Variants in SNX30 observed in about 807,000 individuals in gnomAD.
SNX30 encodes the protein sorting nexin-30.
Under a neutral mutation model 46.4 loss-of-function variants are expected in SNX30, and 24 were observed. The observed-to-expected ratio is 0.52, with a 90% CI of 0.37 to 0.73. The LOEUF (loss-of-function observed/expected upper bound fraction) is 0.73, where lower values mean the gene tolerates loss of function less well. Ranked by LOEUF, SNX30 falls within the 30% of genes least tolerant of loss-of-function variation. The pLI is 0.00. For synonymous variants in SNX30, 189 were observed against 211.5 expected (o/e 0.89, Z 0.92); for missense variants, 533 against 555.7 (o/e 0.96, Z 0.41).
intron 7 of SNX30, among the ~76,000 whole-genome samples, chr9:112,860,854 T>C (rs138735376): frequency 6.6e-6 from 1 of 152,192 alleles, no homozygotes; most frequent in East Asian, 1.9e-4. Context: ...CAGCAAATTA[T>C]AATATTGATA....
At chr9:112,878,003 C>A (rs938419066), downstream of SNX30, 7 of 152,342 alleles carry the variant, frequency 4.6e-5, no homozygotes, top group African/African-American at 1.7e-4. Flanking sequence ...TAGGCCTGAG[C>A]CACCAAGGCT....
At chr9:112,825,793 G>A (rs1350837095) in intron 3 of SNX30, among the ~76,000 whole-genome samples, 2 of 152,030 alleles carry the variant, frequency 1.3e-5, no homozygotes, top group Non-Finnish European at 2.9e-5. Flanking sequence ...ACTATAGATG[G>A]ACTTGATTTC....
At chr9:112,885,420 GTGTGTATATATATATA>G (rs1351701360), downstream of SNX30, 3 of 109,680 alleles carry the variant, frequency 2.7e-5, no homozygotes, top group African/African-American at 7.4e-5. Flanking sequence ...TGTATTCTGT[GTGTGTATATATATATA>G]TGTGTATATA....
At chr9:112,820,431 G>C (rs1242155971) in intron 3 of SNX30, among the ~76,000 whole-genome samples, 1 of 152,154 alleles carries the variant, frequency 6.6e-6, no homozygotes, top group Non-Finnish European at 1.5e-5. Flanking sequence ...GATGGGATGA[G>C]AAGGTTATAA....
At chr9:112,824,949 C>A (rs979685996) in intron 3 of SNX30, among the ~76,000 whole-genome samples, 1 of 152,172 alleles carries the variant, frequency 6.6e-6, no homozygotes, top group Non-Finnish European at 1.5e-5. Context: ...AGAACATTTT[C>A]ATTACCCCCA....
chr9:112,809,082 A>T (rs957685769), intron 2 of SNX30, among the ~76,000 whole-genome samples: 2 of 119,684 alleles, frequency 1.7e-5, no homozygotes, highest in Non-Finnish European at 3.4e-5. Flanking sequence ...AAAAGACATG[A>T]TTTTCTTTCT....
intron 1 of SNX30, among the ~76,000 whole-genome samples, chr9:112,775,542 TTGTGTGTGTGTGTGTG>T (rs199600863): frequency 1.2e-4 from 16 of 131,410 alleles, no homozygotes; most frequent in East Asian, 4.3e-4. Flanking sequence ...TATTTTAAAT[TTGTGTGTGTGTGTGTG>T]TGTGTGTGTG....
At chr9:112,833,362 A>C (rs1840699020) in intron 4 of SNX30, among the ~76,000 whole-genome samples, 2 of 152,332 alleles carry the variant, frequency 1.3e-5, no homozygotes, top group African/African-American at 4.8e-5. Context: ...AATGTCCTTA[A>C]GAAGAAGCCA....
intron 1 of SNX30, among the ~76,000 whole-genome samples, chr9:112,790,350 T>G (rs10733594): frequency 0.94 from 142,686 of 152,294 alleles, 66,921 homozygotes; most frequent in East Asian, 1. Flanking sequence ...CCAAAAATGC[T>G]AAGGTGTGCA....
intron 1 of SNX30, among the ~76,000 whole-genome samples, chr9:112,775,268 G>C (rs1279073467): frequency 6.7e-6 from 1 of 148,480 alleles, no homozygotes. Flanking sequence ...TGATTCTCCT[G>C]CCTTAGCCTC....
intron 2 of SNX30, among the ~76,000 whole-genome samples, chr9:112,808,185 C>G (rs1840261332): frequency 6.6e-6 from 1 of 152,210 alleles, no homozygotes; most frequent in South Asian, 2.1e-4. Flanking sequence ...ACACCTGACC[C>G]TGTCCTGGGA....
Position 112,868,983 on chromosome 9 carries a change from A to T in SNX30, c.*140A>T. The T allele has an allele frequency of 2.5e-6, 2 of 791,634 alleles. No homozygotes were observed. The highest frequency in any genetic ancestry group is 2.1e-6 in the Non-Finnish European group (1 of 467,412). 49.0% of individuals were successfully genotyped at this position (791,634 alleles called of 1,614,324 possible). On this transcript the variant is annotated 3_prime_UTR_variant, in exon 9 of 9. Transcript: ENST00000374232. ...TCCTTTGTGTATTTTTCCCTCCCCC[A>T]CCTTTCACCCCACAGTGGTTTTCAA...
At chr9:112,817,146 C>T (rs777352820) in intron 2 of SNX30, among the ~76,000 whole-genome samples, 1 of 152,042 alleles carries the variant, frequency 6.6e-6, no homozygotes, top group Non-Finnish European at 1.5e-5. Context: ...AATCTGCCCC[C>T]GAAATGAGCA....
intron 7 of SNX30, among the ~76,000 whole-genome samples, chr9:112,851,749 T>C (rs899626680): frequency 6.7e-6 from 1 of 149,056 alleles, no homozygotes; most frequent in East Asian, 1.9e-4. Context: ...TTTTTAAAGA[T>C]AATTTGGTGG....
At chr9:112,763,646 C>G (rs10981500) in intron 1 of SNX30, among the ~76,000 whole-genome samples, 9,281 of 151,744 alleles carry the variant, frequency 0.061, 615 homozygotes, top group African/African-American at 0.16. Context: ...GTCAGGAGAT[C>G]GAGACCATCC....
intron 1 of SNX30, among the ~76,000 whole-genome samples, chr9:112,787,104 T>C (rs948962915): frequency 2.6e-5 from 4 of 152,120 alleles, no homozygotes; most frequent in African/African-American, 9.7e-5. Context: ...ATCTGTACTT[T>C]TGGGTTGTAG....
intron 1 of SNX30, among the ~76,000 whole-genome samples, chr9:112,776,738 C>T (rs1272320907): frequency 3.9e-5 from 6 of 152,186 alleles, no homozygotes; most frequent in Admixed American, 1.3e-4. Flanking sequence ...AAGTCTGAGA[C>T]GGGAGCAGAT....
chr9:112,859,317 T>A (rs1341318570), intron 7 of SNX30, among the ~76,000 whole-genome samples: 4 of 152,208 alleles, frequency 2.6e-5, no homozygotes, highest in Non-Finnish European at 5.9e-5. Flanking sequence ...CATACATACA[T>A]ACACATACAT....
chr9:112,824,723 A>G (rs1840555303), intron 3 of SNX30, among the ~76,000 whole-genome samples: 1 of 152,064 alleles, frequency 6.6e-6, no homozygotes, highest in East Asian at 1.9e-4. Context: ...TCCTTGGCTC[A>G]TGGCCTCTTT....
Sources: allele counts gnomAD v4.1 joint callset (sites outside exome capture counted in the v4.1 genomes callset), GRCh38; gene constraint gnomAD v4.1.1; transcripts MANE v1.5; gene names NCBI Gene and HGNC (gene_info 2026-07-23, HGNC 2026-07-21).